Variants in TENM3 observed in about 807,000 individuals in gnomAD.
TENM3 encodes teneurin-3.
A neutral mutation model predicts 255.1 loss-of-function variants in TENM3; 63 were observed. The observed-to-expected ratio is 0.25, with a 90% CI of 0.20 to 0.30. The LOEUF (loss-of-function observed/expected upper bound fraction) is 0.30. TENM3 is among the 10% of genes least tolerant of loss of function. The pLI, the probability that TENM3 is intolerant of heterozygous loss-of-function variation, is 1.00. For synonymous variants in TENM3, 1,306 were observed against 1,322.3 expected (o/e 0.99, Z 0.27); for missense variants, 2,929 against 3,461.1 (o/e 0.85, Z 3.86).
chr4:182,703,732 C>T (rs932589506), intron 12 of TENM3, among the ~76,000 whole-genome samples: 1 of 152,022 alleles, frequency 6.6e-6, no homozygotes, highest in African/African-American at 2.4e-5. Flanking sequence ...TATTATTTTC[C>T]AGTTATGGTC....
At chr4:182,000,430 T>C in the TENM3 span, among the ~76,000 whole-genome samples, 1 of 152,052 alleles carries the variant, frequency 6.6e-6, no homozygotes, top group Non-Finnish European at 1.5e-5. Flanking sequence ...GAAACCATTC[T>C]CAAGCAGGAA....
intron 1 of TENM3, among the ~76,000 whole-genome samples, chr4:182,225,697 G>A (rs759126718): frequency 3.3e-5 from 5 of 152,238 alleles, no homozygotes; most frequent in African/African-American, 1.2e-4. Flanking sequence ...CCAGGGACAC[G>A]GGAGATGTCT....
At chr4:181,526,611 ACTTACT>A in the TENM3 span, among the ~76,000 whole-genome samples, 1 of 152,264 alleles carries the variant, frequency 6.6e-6, no homozygotes, top group Admixed American at 6.5e-5. Context: ...CTTCGAGGGC[ACTTACT>A]CTTAACAATG....
chr4:182,322,785 C>T (rs1198505188), intron 1 of TENM3, among the ~76,000 whole-genome samples: 1 of 152,134 alleles, frequency 6.6e-6, no homozygotes, highest in African/African-American at 2.4e-5. Flanking sequence ...GAGAGGGACT[C>T]ACTTTTTTTG....
chr4:182,410,435 T>C (rs1373151114), intron 3 of TENM3, among the ~76,000 whole-genome samples: 2 of 151,894 alleles, frequency 1.3e-5, no homozygotes, highest in Non-Finnish European at 2.9e-5. Flanking sequence ...CAGCCAGGAG[T>C]CTCCTTGCCC....
chr4:181,551,878 GTGTGTGTGTGTATA>G, the TENM3 span, among the ~76,000 whole-genome samples: 1 of 51,820 alleles, frequency 1.9e-5, no homozygotes, highest in South Asian at 4.9e-4. Context: ...GTGTGTGTGT[GTGTGTGTGTGTATA>G]TAAATTTTGC....
chr4:181,917,466 T>C, the TENM3 span, among the ~76,000 whole-genome samples: 4 of 152,048 alleles, frequency 2.6e-5, no homozygotes, highest in Non-Finnish European at 5.9e-5. Context: ...CTTTTTCTCA[T>C]CTGTTTCTTG....
intron 13 of TENM3, among the ~76,000 whole-genome samples, chr4:182,722,770 A>G (rs941623465): frequency 7.9e-5 from 12 of 152,224 alleles, no homozygotes; most frequent in African/African-American, 2.9e-4. Context: ...GAACCTGGGA[A>G]AACACACTGT....
intron 19 of TENM3, among the ~76,000 whole-genome samples, chr4:182,746,917 A>G (rs1021531667): frequency 6.6e-6 from 1 of 152,224 alleles, no homozygotes; most frequent in African/African-American, 2.4e-5. Flanking sequence ...AAGTAATAAA[A>G]TTGACCTAGC....
At chr4:181,791,125 A>G in the TENM3 span, among the ~76,000 whole-genome samples, 1 of 152,240 alleles carries the variant, frequency 6.6e-6, no homozygotes, top group Non-Finnish European at 1.5e-5. Context: ...TTTAAAGCTC[A>G]GGGGCTAGAT....
intron 1 of TENM3, among the ~76,000 whole-genome samples, chr4:182,277,429 C>T (rs1328148842): frequency 1.3e-5 from 2 of 152,080 alleles, no homozygotes; most frequent in East Asian, 1.9e-4. Context: ...TTCAAGCACT[C>T]TTTAATATGA....
intron 1 of TENM3, among the ~76,000 whole-genome samples, chr4:182,159,075 T>G (rs998697591): frequency 2.6e-5 from 4 of 152,226 alleles, no homozygotes; most frequent in African/African-American, 7.2e-5. Flanking sequence ...CTGACCCTTA[T>G]TTCTTCATCT....
At chr4:181,845,700 T>G in the TENM3 span, among the ~76,000 whole-genome samples, 1 of 152,342 alleles carries the variant, frequency 6.6e-6, no homozygotes, top group Non-Finnish European at 1.5e-5. Context: ...GATTCATGCA[T>G]TTATTAACGC....
chr4:182,554,596 T>C (rs1371636849), intron 3 of TENM3, among the ~76,000 whole-genome samples: 1 of 152,084 alleles, frequency 6.6e-6, no homozygotes, highest in Non-Finnish European at 1.5e-5. Context: ...TAATTTAATG[T>C]TCATAGTCTT....
the TENM3 span, among the ~76,000 whole-genome samples, chr4:181,884,447 A>T: frequency 1.3e-5 from 2 of 152,236 alleles, no homozygotes; most frequent in South Asian, 4.1e-4. Context: ...TACCCATTAA[A>T]CACTAACTTC....
intron 3 of TENM3, among the ~76,000 whole-genome samples, chr4:182,416,532 C>T (rs1238693731): frequency 6.6e-6 from 1 of 151,716 alleles, no homozygotes; most frequent in Non-Finnish European, 1.5e-5. Flanking sequence ...TTCAGTTTAA[C>T]ATTTCTTTTG....
At chr4:182,266,765 T>G (rs958223665) in intron 1 of TENM3, among the ~76,000 whole-genome samples, 8 of 152,162 alleles carry the variant, frequency 5.3e-5, no homozygotes, top group African/African-American at 1.9e-4. Flanking sequence ...TGTTCCGAAG[T>G]TATGGGAAAC....
the TENM3 span, among the ~76,000 whole-genome samples, chr4:181,710,132 A>G: frequency 1.3e-5 from 2 of 152,152 alleles, no homozygotes; most frequent in African/African-American, 4.8e-5. Flanking sequence ...TTTTAATGCC[A>G]TGGTGCCAAA....
At chr4:182,693,322 G>A (rs910526343) in intron 12 of TENM3, among the ~76,000 whole-genome samples, 2 of 151,622 alleles carry the variant, frequency 1.3e-5, no homozygotes, top group African/African-American at 4.8e-5. Context: ...CACTATAACT[G>A]GTATCTTTTT....
Sources: gnomAD v4.1 joint callset for allele counts (sites outside exome capture counted in the v4.1 genomes callset) on GRCh38, gnomAD v4.1.1 for gene constraint, MANE v1.5 for transcripts, NCBI Gene and HGNC (gene_info 2026-07-23, HGNC 2026-07-21) for gene names.